The following REN variants were observed in gnomAD, a reference collection of about 807,000 sequenced individuals.
The protein encoded by REN is angiotensin-forming enzyme.
In REN, 42 loss-of-function variants were observed where a neutral mutation model predicts 48.6. The ratio of observed to expected loss-of-function variants is 0.86; its 90% CI spans 0.68 to 1.12. The LOEUF is 1.12. Among genes scored for constraint, REN ranks in the 50% most tolerant of loss-of-function variants. REN has a pLI of 0.00. For missense variants in REN, 443 were observed against 527.3 expected, an observed-to-expected ratio of 0.84 and a Z score of 1.57; for synonymous variants, 196 against 204.6, an observed-to-expected ratio of 0.96 and a Z score of 0.36.
chr1:204,157,999 C>A (rs1458336947), intron 5 of REN, among the ~76,000 whole-genome samples: 1 of 152,162 alleles, frequency 6.6e-6, no homozygotes, highest in Non-Finnish European at 1.5e-5. Context: ...CATTTTTAAT[C>A]TCTTTCTTTC....
intron 1 of REN, 23 bp from the exon 2 acceptor site, chr1:204,162,186 A>T: frequency 6.2e-7 from 1 of 1,613,522 alleles, no homozygotes; most frequent in South Asian, 1.1e-5. Flanking sequence ...GGAGGAAGCA[A>T]AAATAGAAAA....
chr1:204,157,114 T>C (rs1395442484), intron 6 of REN, among the ~76,000 whole-genome samples: 1 of 152,060 alleles, frequency 6.6e-6, no homozygotes, highest in Non-Finnish European at 1.5e-5. Flanking sequence ...AAGACACAAA[T>C]GGACACCCCT....
Position 204,156,150 on chromosome 1 carries a change from A to G in REN, c.960+28T>C. 1.2e-6 allele frequency: 2 copies of G among 1,614,094 alleles called. No homozygotes were observed. ...ATACCAGGTGGCGCTCCCCCCACCC[A>G]CAGCACCTTCCCTCTTTGGCTTCTT... On this transcript the variant is annotated intron_variant, in intron 8 of 9. Transcript: ENST00000272190. This position sits in a 1 kb window ranked among gnomAD's most constrained non-coding sequence, Gnocchi z 4.2.
intron 9 of REN, 26 bp from the exon 10 acceptor site, chr1:204,155,203 C>T (rs374392027): frequency 4.2e-5 from 67 of 1,613,506 alleles, no homozygotes; most frequent in Non-Finnish European, 5.3e-5. Context: ...AGAGTTTCTC[C>T]ATACCCAGCA....
At chr1:204,159,617 G>A in intron 4 of REN, 22 bp from the exon 5 acceptor site, 1 of 1,612,812 alleles carries the variant, frequency 6.2e-7, no homozygotes, top group East Asian at 2.2e-5. Context: ...AGGACCAGAG[G>A]AGACCAAGCC....
chr1:204,164,024 C>T (rs1194137194), intron 1 of REN, among the ~76,000 whole-genome samples: 2 of 152,220 alleles, frequency 1.3e-5, no homozygotes, highest in South Asian at 4.1e-4. Context: ...CCAAGTGCCT[C>T]GCATGATGCT....
At chr1:204,162,404 T>G (rs1335760620) in intron 1 of REN, among the ~76,000 whole-genome samples, 1 of 152,190 alleles carries the variant, frequency 6.6e-6, no homozygotes, top group Admixed American at 6.5e-5. Flanking sequence ...CTTCCTTCTG[T>G]TGCCTAATTT....
chr1:204,159,545 G>A lies in REN; in HGVS notation c.543C>T (p.Pro181=), dbSNP rs768994501. ...TQMFGEVTEM[P]ALPFMLAEFD... The stretch of plus-strand genomic sequence containing the variant: ...ACTCGGCCAGCATGAAGGGTAAGGC[G>A]GGCATCTCCGTGACCTCTCCAAACA... Residue 181 remains proline, a synonymous_variant, in exon 5 of 10, where the codon CCC becomes CCT. Transcript: ENST00000272190. 10 of 1,614,134 alleles carry A rather than the reference G, an allele frequency of 6.2e-6. No individual in the cohort carries two copies. Among genetic ancestry groups the A allele is most frequent in the South Asian group, 1.1e-5 (1 of 91,078 alleles).
In REN at chr1:204,162,105, T is replaced by C; in HGVS notation, c.157A>G (p.Met53Val). The part of the protein sequence containing the change: ...RESLKERGVD[M>V]ARLGPEWSQP... Reference sequence around the variant, plus strand: ...CTCCACTCGGGACCAAGCCTGGCCATGTCCACACCTCGTTCCTTCAGGCTT... The same window carrying C: ...CTCCACTCGGGACCAAGCCTGGCCACGTCCACACCTCGTTCCTTCAGGCTT... Residue 53 changes from methionine (M) to valine (V), a missense_variant, in exon 2 of 10, where the codon ATG (methionine) becomes GTG (valine). By Grantham distance (21) the Met-to-Val change is conservative (BLOSUM62 1). Transcript: ENST00000272190. The C allele has an allele frequency of 6.2e-7, 1 of 1,614,132 alleles. No individual in the cohort carries two copies. Among genetic ancestry groups the C allele is most frequent in the Non-Finnish European group, 8.5e-7 (1 of 1,180,016 alleles).
At chr1:204,157,009 G>A (rs888993291) in intron 6 of REN, among the ~76,000 whole-genome samples, 10 of 152,170 alleles carry the variant, frequency 6.6e-5, no homozygotes, top group African/African-American at 2.4e-4. Flanking sequence ...ACCAACCAGA[G>A]GTTGTTCCAG....
chr1:204,158,573 C>T (rs1442888390), intron 5 of REN, among the ~76,000 whole-genome samples: 1 of 152,138 alleles, frequency 6.6e-6, no homozygotes, highest in East Asian at 1.9e-4. Context: ...TGAGCCACTG[C>T]ACCCAGCCCC....
intron 2 of REN, 59 bp from the exon 3 acceptor site, chr1:204,161,474 T>TG: frequency 5.1e-6 from 7 of 1,380,666 alleles, no homozygotes; most frequent in Non-Finnish European, 6.6e-6. Context: ...CTTGGGGTCT[T>TG]GCCTGGCTTC....
Position 204,161,368 on chromosome 1 carries a change from G to A in REN, c.297C>T (p.Phe99=), listed in dbSNP as rs1658243326. The A allele has an allele frequency of 1.9e-6, 3 of 1,607,410 alleles. No homozygotes were observed. ...EIGIGTPPQT[F]KVVFDTGSSN... is the part of the protein sequence containing the mutation. ...ACGAACCAGTGTCAAAGACGACTTTGAAGGTCTGGGGTGGGGTGCCGATGC... is the reference window on the plus strand; with the variant it reads ...ACGAACCAGTGTCAAAGACGACTTTAAAGGTCTGGGGTGGGGTGCCGATGC... The change falls in exon 3 of 10, where the codon TTC becomes TTT. Residue 99 remains phenylalanine, a synonymous_variant. Coordinates refer to ENST00000272190, the MANE Select transcript of REN (RefSeq NM_000537.4).
rs184339016 is a variant in REN, at chr1:204,162,268, G to A, written c.99-105C>T. Reference sequence around the variant, plus strand: ...TGCTTTTAGTACAACCACCTTTAACGTTAGCCCAGCCACCTGGAAATCACC... The same window carrying A: ...TGCTTTTAGTACAACCACCTTTAACATTAGCCCAGCCACCTGGAAATCACC... On this transcript the variant is annotated intron_variant, in intron 1 of 9. Transcript: ENST00000272190. 1.9e-4 allele frequency: 231 copies of A among 1,245,688 alleles called. 1 individual carries two copies. The African/African-American group carries it at 2.5e-3, about 13-fold the overall frequency. 77.2% of individuals were successfully genotyped at this position (1,245,688 alleles called of 1,614,324 possible).
At chr1:204,161,527 A>C (rs2102314185) in intron 2 of REN, 112 bp from the exon 3 acceptor site, 1 of 1,082,658 alleles carries the variant, frequency 9.2e-7, no homozygotes, top group East Asian at 2.9e-5. Flanking sequence ...GCGAGGTCCT[A>C]TAGCCTCTCG....
intron 1 of REN, among the ~76,000 whole-genome samples, chr1:204,162,829 T>A (rs1288283748): frequency 6.6e-6 from 1 of 152,224 alleles, no homozygotes; most frequent in Non-Finnish European, 1.5e-5. Context: ...CTTGGAGAGA[T>A]GTGTCCCGGT....
At chr1:204,157,934 A>G (rs150856989) in intron 5 of REN, among the ~76,000 whole-genome samples, 1 of 151,956 alleles carries the variant, frequency 6.6e-6, no homozygotes, top group Non-Finnish European at 1.5e-5. Context: ...CTGGAACCTC[A>G]TCTCTTTCAA....
In REN at chr1:204,161,248, G is replaced by C. The variant is rs2272237; in HGVS notation, c.373+44C>G. 0.34 allele frequency: 525,141 copies of C among 1,551,708 alleles called. 94,707 individuals carry two copies. Among genetic ancestry groups the C allele is most frequent in the Non-Finnish European group, 0.38 (430,859 of 1,146,624 alleles). ...TGGGCAGGATTGCTCATGCACAGTA[G>C]GGCAGGGGGATGGAGGAGAGGCACT... On this transcript the variant is annotated intron_variant, in intron 3 of 9. Coordinates refer to ENST00000272190, the MANE Select transcript of REN (RefSeq NM_000537.4).
At chr1:204,158,806 G>A (rs1458249367) in intron 5 of REN, among the ~76,000 whole-genome samples, 12 of 152,226 alleles carry the variant, frequency 7.9e-5, no homozygotes, top group Admixed American at 7.2e-4. Context: ...TAGCCTGTAA[G>A]CTCTATGTGG....
Sources: allele counts gnomAD v4.1 joint callset (sites outside exome capture counted in the v4.1 genomes callset), GRCh38; gene constraint gnomAD v4.1.1; non-coding constraint Gnocchi (gnomAD v3.1); transcripts MANE v1.5; gene names NCBI Gene and HGNC (gene_info 2026-07-23, HGNC 2026-07-21).